Variants in SLC24A2 observed in about 807,000 individuals in gnomAD.
SLC24A2 encodes the protein sodium/potassium/calcium exchanger 2.
In SLC24A2, 36 loss-of-function variants were observed where a neutral mutation model predicts 62.0. The observed-to-expected ratio is 0.58, with a 90% CI of 0.44 to 0.77. The LOEUF (loss-of-function observed/expected upper bound fraction) is 0.77, where lower values mean the gene tolerates loss of function less well. Among genes scored for constraint, SLC24A2 ranks in the 30% least tolerant of loss-of-function variants. The probability of loss-of-function intolerance (pLI) is 0.00; values close to 1 mark genes in which losing one functional copy is unlikely to be tolerated. For missense variants in SLC24A2, 846 were observed against 817.9 expected (o/e 1.03, Z -0.42); for synonymous variants, 358 against 294.0 (o/e 1.22, Z -2.23).
chr9:19,889,411 T>C, the SLC24A2 span, among the ~76,000 whole-genome samples: 3 of 152,140 alleles, frequency 2.0e-5, no homozygotes, highest in Non-Finnish European at 1.5e-5. Flanking sequence ...ATACTCAGAT[T>C]GACTTTCTTG....
chr9:20,177,445 C>A, the SLC24A2 span, among the ~76,000 whole-genome samples: 1 of 152,230 alleles, frequency 6.6e-6, no homozygotes, highest in East Asian at 1.9e-4. Flanking sequence ...ACCTACTCTA[C>A]AGGCTGAGGT....
At chr9:20,100,944 C>A in the SLC24A2 span, among the ~76,000 whole-genome samples, 16,914 of 152,110 alleles carry the variant, frequency 0.11, 1,001 homozygotes, top group Middle Eastern at 0.17. Flanking sequence ...GCAGACTTAA[C>A]AACAGGTATA....
At chr9:19,872,125 A>T in the SLC24A2 span, among the ~76,000 whole-genome samples, 1 of 152,144 alleles carries the variant, frequency 6.6e-6, no homozygotes, top group Non-Finnish European at 1.5e-5. Flanking sequence ...CTAGGATGGT[A>T]TGGTCAAAAA....
the SLC24A2 span, among the ~76,000 whole-genome samples, chr9:19,900,119 C>T: frequency 6.6e-6 from 1 of 152,178 alleles, no homozygotes; most frequent in East Asian, 1.9e-4. Flanking sequence ...TGCTGTCTGG[C>T]CCTGTTAAGC....
the SLC24A2 span, among the ~76,000 whole-genome samples, chr9:20,130,323 G>T: frequency 2.0e-5 from 3 of 151,818 alleles, no homozygotes; most frequent in African/African-American, 7.3e-5. Flanking sequence ...CAAGCTCTCG[G>T]TGTTATGAAA....
At chr9:19,570,642 A>G (rs1563973891) in intron 7 of SLC24A2, among the ~76,000 whole-genome samples, 1 of 152,252 alleles carries the variant, frequency 6.6e-6, no homozygotes, top group Non-Finnish European at 1.5e-5. Context: ...CATAATATCA[A>G]TATTTAGCAT....
chr9:20,135,600 G>A, the SLC24A2 span, among the ~76,000 whole-genome samples: 127 of 152,210 alleles, frequency 8.3e-4, no homozygotes, highest in Middle Eastern at 3.4e-3. Context: ...TGCCTGAGTC[G>A]TGGAAGATGC....
intron 2 of SLC24A2, among the ~76,000 whole-genome samples, chr9:19,685,399 A>C (rs1239913544): frequency 6.6e-6 from 1 of 152,174 alleles, no homozygotes; most frequent in Non-Finnish European, 1.5e-5. Context: ...TCACAGAATT[A>C]GAAAAAGCTA....
At chr9:19,595,366 A>T (rs1045435691) in intron 5 of SLC24A2, among the ~76,000 whole-genome samples, 3 of 152,218 alleles carry the variant, frequency 2.0e-5, no homozygotes, top group Admixed American at 6.5e-5. Flanking sequence ...CTTTGCAGTT[A>T]TTACCCATCA....
At chr9:20,227,530 A>AT in the SLC24A2 span, among the ~76,000 whole-genome samples, 1 of 121,840 alleles carries the variant, frequency 8.2e-6, no homozygotes, top group Non-Finnish European at 1.7e-5. Context: ...AGGCTCACAC[A>AT]TTTCTAAAAA....
the SLC24A2 span, among the ~76,000 whole-genome samples, chr9:19,884,218 T>C: frequency 6.6e-6 from 1 of 152,184 alleles, no homozygotes; most frequent in Non-Finnish European, 1.5e-5. Context: ...TAGTTTATAA[T>C]AGCTAAACCA....
the SLC24A2 span, among the ~76,000 whole-genome samples, chr9:20,075,288 G>C: frequency 6.6e-6 from 1 of 152,106 alleles, no homozygotes; most frequent in Middle Eastern, 3.2e-3. Context: ...TAATCCTTGG[G>C]ACAAATCTCT....
chr9:20,276,054 G>GC, the SLC24A2 span, among the ~76,000 whole-genome samples: 1 of 152,044 alleles, frequency 6.6e-6, no homozygotes, highest in South Asian at 2.1e-4. Context: ...ATATCATTCT[G>GC]CCCCTGGCCC....
the SLC24A2 span, among the ~76,000 whole-genome samples, chr9:20,209,637 T>C: frequency 1.3e-5 from 2 of 152,116 alleles, no homozygotes; most frequent in African/African-American, 4.8e-5. Flanking sequence ...TCATTTAACA[T>C]CCAGCAACGC....
At chr9:19,671,497 C>CA (rs1235240956) in intron 2 of SLC24A2, among the ~76,000 whole-genome samples, 2 of 152,074 alleles carry the variant, frequency 1.3e-5, no homozygotes, top group Non-Finnish European at 2.9e-5. Context: ...ATATCATTGG[C>CA]AAACAGCAAC....
At chr9:20,197,367 T>G in the SLC24A2 span, among the ~76,000 whole-genome samples, 1 of 151,964 alleles carries the variant, frequency 6.6e-6, no homozygotes, top group African/African-American at 2.4e-5. Flanking sequence ...ATTTTCACCA[T>G]TGTAGTTTCT....
At chr9:19,915,818 A>G in the SLC24A2 span, among the ~76,000 whole-genome samples, 63,982 of 151,672 alleles carry the variant, frequency 0.42, 13,906 homozygotes, top group Middle Eastern at 0.61. Context: ...GGTTCTTTAT[A>G]TATTCTGGAT....
At chr9:20,004,148 C>T in the SLC24A2 span, among the ~76,000 whole-genome samples, 1 of 152,116 alleles carries the variant, frequency 6.6e-6, no homozygotes, top group Non-Finnish European at 1.5e-5. Context: ...CTAATGAGTA[C>T]CAGCTAACAA....
the SLC24A2 span, among the ~76,000 whole-genome samples, chr9:19,958,772 G>A: frequency 6.6e-6 from 1 of 152,136 alleles, no homozygotes; most frequent in East Asian, 1.9e-4. Flanking sequence ...TAAAAGACAA[G>A]GCATGTAAAA....
Sources: gnomAD v4.1 joint callset for allele counts (sites outside exome capture counted in the v4.1 genomes callset) on GRCh38, gnomAD v4.1.1 for gene constraint, MANE v1.5 for transcripts, NCBI Gene and HGNC (gene_info 2026-07-23, HGNC 2026-07-21) for gene names.